TBC1D1: variants seen among roughly 807,000 people sequenced by gnomAD.
The protein encoded by TBC1D1 is TBC1 domain family member 1.
In TBC1D1, 89 loss-of-function variants were observed where a neutral mutation model predicts 125.6. The observed-to-expected ratio is 0.71, with a 90% CI of 0.60 to 0.85. The LOEUF is 0.85. Ranked by LOEUF, TBC1D1 falls within the 40% of genes least tolerant of loss-of-function variation. The pLI is 0.00. For missense variants in TBC1D1, 1,377 were observed against 1,469.2 expected (o/e 0.94, Z 1.03); for synonymous variants, 565 against 564.1 (o/e 1.00, Z -0.02).
intron 2 of TBC1D1, chr4:37,960,695 C>T (rs541513996): frequency 1.9e-6 from 3 of 1,614,184 alleles, no homozygotes; most frequent in East Asian, 2.2e-5. Context: ...AACAGCCAAG[C>T]TTTTCTGCCA....
intron 7 of TBC1D1, among the ~76,000 whole-genome samples, chr4:38,028,659 A>G (rs992651118): frequency 2.6e-5 from 4 of 152,210 alleles, no homozygotes; most frequent in African/African-American, 9.7e-5. Context: ...TCTTCCTTAA[A>G]CAAATGTTAG....
intron 2 of TBC1D1, among the ~76,000 whole-genome samples, chr4:37,934,375 A>G (rs1723939082): frequency 6.6e-6 from 1 of 152,170 alleles, no homozygotes; most frequent in Non-Finnish European, 1.5e-5. Flanking sequence ...GCACAGGGTT[A>G]GGGTCAAGGC....
intron 12 of TBC1D1, among the ~76,000 whole-genome samples, chr4:38,076,020 A>G (rs888729055): frequency 7.2e-5 from 11 of 152,118 alleles, no homozygotes; most frequent in Middle Eastern, 3.2e-3. Context: ...ATAGTTTCCA[A>G]TGGGACTTCT....
intron 2 of TBC1D1, among the ~76,000 whole-genome samples, chr4:38,009,231 T>G (rs1037729449): frequency 5.9e-5 from 9 of 152,240 alleles, no homozygotes; most frequent in African/African-American, 7.2e-5. Context: ...TAGCATTTTT[T>G]TTGTGTGAAG....
chr4:37,953,795 G>A (rs1407376822), intron 2 of TBC1D1, among the ~76,000 whole-genome samples: 8 of 152,112 alleles, frequency 5.3e-5, no homozygotes, highest in Non-Finnish European at 1.0e-4. Flanking sequence ...TTGGTATGTG[G>A]CCAGGGACAG....
chr4:38,061,222 G>A (rs1391210177), intron 12 of TBC1D1, among the ~76,000 whole-genome samples: 2 of 152,066 alleles, frequency 1.3e-5, no homozygotes, highest in African/African-American at 4.8e-5. Flanking sequence ...ATCTCTTATG[G>A]AGCACAGGAG....
intron 1 of TBC1D1, among the ~76,000 whole-genome samples, chr4:37,900,842 T>G (rs552581398): frequency 6.6e-6 from 1 of 152,226 alleles, no homozygotes; most frequent in African/African-American, 2.4e-5. Flanking sequence ...GAGGCCAAGG[T>G]GGGCAGATCA....
chr4:37,966,787 C>T (rs1356463912), intron 2 of TBC1D1, among the ~76,000 whole-genome samples: 7 of 152,144 alleles, frequency 4.6e-5, no homozygotes, highest in South Asian at 4.1e-4. Context: ...CAACAGGCCC[C>T]GGTGTGTGAT....
intron 13 of TBC1D1, among the ~76,000 whole-genome samples, chr4:38,090,529 T>A (rs1462727663): frequency 6.6e-6 from 1 of 152,218 alleles, no homozygotes; most frequent in Admixed American, 6.5e-5. Context: ...CATACGTAAC[T>A]TCACTCTGTG....
chr4:38,071,271 C>A (rs957726724), intron 12 of TBC1D1, among the ~76,000 whole-genome samples: 1 of 152,144 alleles, frequency 6.6e-6, no homozygotes, highest in Non-Finnish European at 1.5e-5. Flanking sequence ...AAAGAGCCCC[C>A]AAGTGTCCAA....
intron 1 of TBC1D1, among the ~76,000 whole-genome samples, chr4:37,896,085 A>C (rs918233901): frequency 9.9e-5 from 15 of 152,228 alleles, no homozygotes; most frequent in Admixed American, 3.3e-4. Flanking sequence ...TTCACAGAGC[A>C]ATATGAGTAG....
In TBC1D1 at chr4:38,011,265, A is replaced by T. The variant is rs553578949; in HGVS notation, c.418-3244A>T. Among the ~76,000 whole-genome samples the T allele has an allele frequency of 5.3e-5, 8 of 151,128 alleles. No homozygotes were observed. In the South Asian group the frequency reaches 1.7e-3, roughly 32 times the overall value. Reference sequence around the variant, plus strand: ...CTACTCGGGAGGCTGAGGCAGGAGAATTGCTTGAACCTGGGGGGCAGAGGT... The same window carrying T: ...CTACTCGGGAGGCTGAGGCAGGAGATTTGCTTGAACCTGGGGGGCAGAGGT... On this transcript the variant is annotated intron_variant, in intron 2 of 19. Coordinates refer to ENST00000261439, the MANE Select transcript of TBC1D1 (RefSeq NM_015173.4).
intron 2 of TBC1D1, among the ~76,000 whole-genome samples, chr4:37,918,751 C>CATTT (rs1225221235): frequency 6.6e-6 from 1 of 152,090 alleles, no homozygotes. Flanking sequence ...CCTGGCCTGG[C>CATTT]ATTTCCCTTG....
chr4:37,993,106 G>A (rs73236874), intron 2 of TBC1D1, among the ~76,000 whole-genome samples: 14,622 of 151,090 alleles, frequency 0.097, 1,484 homozygotes, highest in East Asian at 0.54. Context: ...GCCCGGCCTG[G>A]TGATTCTTTA....
chr4:38,040,320 C>T (rs1046712671), intron 8 of TBC1D1, among the ~76,000 whole-genome samples: 4 of 152,158 alleles, frequency 2.6e-5, no homozygotes, highest in African/African-American at 7.2e-5. Context: ...GACAGAGTCT[C>T]GCTCTGTCGC....
intron 2 of TBC1D1, among the ~76,000 whole-genome samples, chr4:37,959,330 C>G (rs1729527735): frequency 1.3e-5 from 2 of 152,076 alleles, no homozygotes; most frequent in African/African-American, 2.4e-5. Context: ...ATAAAGTAAG[C>G]TGAAGAAAAT....
At chr4:37,955,370 C>A (rs1199692195) in intron 2 of TBC1D1, among the ~76,000 whole-genome samples, 1 of 152,152 alleles carries the variant, frequency 6.6e-6, no homozygotes, top group Non-Finnish European at 1.5e-5. Flanking sequence ...GGTTTTACCA[C>A]CCCTGTGGAT....
chr4:38,101,603 C>A (rs1331084137), intron 14 of TBC1D1, among the ~76,000 whole-genome samples: 2 of 152,210 alleles, frequency 1.3e-5, no homozygotes, highest in Non-Finnish European at 2.9e-5. Flanking sequence ...TGGATGCTCA[C>A]ATGGCAATGT....
rs528330925 is a variant in TBC1D1, at chr4:38,055,228, A to T, written c.2050+890A>T. Among the ~76,000 whole-genome samples the T allele has an allele frequency of 8.5e-5, 13 of 152,262 alleles. No homozygotes were observed. In the South Asian group the frequency reaches 2.7e-3, roughly 32 times the overall value. On this transcript the variant is annotated intron_variant, in intron 12 of 19. Coordinates refer to ENST00000261439, the MANE Select transcript of TBC1D1 (RefSeq NM_015173.4). ...GATGGTCGCCTGACATTGCTGGTGC[A>T]TATCTGGAAAGGGCCCTCTCCTGCC...
Sources: allele counts gnomAD v4.1 joint callset (sites outside exome capture counted in the v4.1 genomes callset), GRCh38; gene constraint gnomAD v4.1.1; transcripts MANE v1.5; gene names NCBI Gene and HGNC (gene_info 2026-07-23, HGNC 2026-07-21).